Variants in OR1L8 observed in about 807,000 individuals in gnomAD.
OR1L8 encodes the protein olfactory receptor 1L8.
For missense variants in OR1L8, 330 were observed against 377.4 expected (o/e 0.87, Z 1.04); for synonymous variants, 148 against 147.0 (o/e 1.01, Z -0.05).
downstream of OR1L8, among the ~76,000 whole-genome samples, chr9:122,564,083 G>A (rs925562016): frequency 6.6e-6 from 1 of 152,150 alleles, no homozygotes; most frequent in African/African-American, 2.4e-5. Context: ...TGGGAAAAGG[G>A]AAATGATCTG....
the OR1L8 span, among the ~76,000 whole-genome samples, chr9:122,552,039 A>ATTCTCTCTCTCTCTCT: frequency 1.1e-5 from 1 of 89,386 alleles, no homozygotes; most frequent in Non-Finnish European, 2.1e-5. Flanking sequence ...GGACACATAC[A>ATTCTCTCTCTCTCTCT]CACACACACA....
chr9:122,576,010 T>A (rs1829647796), intron 3 of OR1L8, among the ~76,000 whole-genome samples: 1 of 152,178 alleles, frequency 6.6e-6, no homozygotes, highest in African/African-American at 2.4e-5. Context: ...GTCTGGTTTA[T>A]TTCAGTTACC....
the OR1L8 span, chr9:122,554,319 T>G: frequency 8.1e-6 from 5 of 616,100 alleles, no homozygotes; most frequent in African/African-American, 9.2e-5. Flanking sequence ...TTCATTCTTT[T>G]ATTAGGCTGT....
intron 1 of OR1L8, among the ~76,000 whole-genome samples, chr9:122,578,814 G>A (rs1471063717): frequency 3.3e-5 from 5 of 152,080 alleles, no homozygotes; most frequent in Admixed American, 3.3e-4. Flanking sequence ...GAAAGGGTAG[G>A]AGAAGGTGAG....
At chr9:122,562,138 G>A (rs1386765748), downstream of OR1L8, among the ~76,000 whole-genome samples, 2 of 152,246 alleles carry the variant, frequency 1.3e-5, no homozygotes, top group African/African-American at 4.8e-5. Context: ...CAGCCGGTGT[G>A]TTTGGCTGTG....
intron 2 of OR1L8, among the ~76,000 whole-genome samples, chr9:122,577,927 A>T (rs1289285662): frequency 1.3e-5 from 2 of 152,182 alleles, no homozygotes; most frequent in East Asian, 3.8e-4. Context: ...TTAATTATTT[A>T]TATTGTCTAT....
At chr9:122,566,237 A>C (rs992798755), downstream of OR1L8, among the ~76,000 whole-genome samples, 7 of 152,246 alleles carry the variant, frequency 4.6e-5, no homozygotes, top group Admixed American at 2.0e-4. Context: ...GTTTTTCTTC[A>C]ACTGGTAATT....
the OR1L8 span, chr9:122,553,808 G>A: frequency 3.7e-6 from 6 of 1,613,930 alleles, no homozygotes; most frequent in East Asian, 1.3e-4. Flanking sequence ...ATGTAAACGA[G>A]CTGATGATCA....
downstream of OR1L8, among the ~76,000 whole-genome samples, chr9:122,565,901 C>T (rs562590799): frequency 6.6e-6 from 1 of 152,286 alleles, no homozygotes; most frequent in African/African-American, 2.4e-5. Context: ...AATGACTGGA[C>T]TCCTAAACTC....
chr9:122,568,246 C>T lies in OR1L8; in HGVS notation c.232G>A (p.Val78Ile), dbSNP rs748254512. ...AAGTTCATCAGCATCTTGGGGACAA[C>T]GCTTGTTGTAAAGCAAATATCAGTG... ...SLTDICFTTS[V>I]VPKMLMNFLS... is the part of the protein sequence containing the mutation. The change falls in exon 5 of 5, where the codon GTT becomes ATT. Residue 78 changes from valine to isoleucine, a missense_variant. By Grantham distance (29) the Val-to-Ile change is conservative. Transcript: ENST00000641027. The T allele has an allele frequency of 2.5e-5, 40 of 1,613,998 alleles. No homozygotes were observed. In the Middle Eastern group the frequency reaches 4.9e-4, roughly 20 times the overall value.
At chr9:122,548,885 T>C in the OR1L8 span, among the ~76,000 whole-genome samples, 1 of 151,892 alleles carries the variant, frequency 6.6e-6, no homozygotes, top group African/African-American at 2.4e-5. Flanking sequence ...GTCAGATGCA[T>C]AGTTGGCAAA....
intron 3 of OR1L8, among the ~76,000 whole-genome samples, chr9:122,574,374 T>C (rs1204918100): frequency 6.6e-6 from 1 of 152,198 alleles, no homozygotes; most frequent in African/African-American, 2.4e-5. Context: ...TCTTTCATCA[T>C]GGTTTTGTGG....
chr9:122,583,226 A>G (rs1324597843), intron 1 of OR1L8, 95 bp downstream of exon 1: 1 of 151,964 alleles, frequency 6.6e-6, no homozygotes, highest in African/African-American at 2.4e-5. Flanking sequence ...GCAAATCCCA[A>G]CTGAGAGACA....
chr9:122,579,038 TA>T (rs200272592), intron 1 of OR1L8, among the ~76,000 whole-genome samples: 171 of 149,054 alleles, frequency 1.1e-3, no homozygotes, highest in Non-Finnish European at 1.5e-3. Flanking sequence ...CTACTGAAAT[TA>T]AAAAAAAATA....
chr9:122,568,651 C>G lies in OR1L8; in HGVS notation c.-174G>C. ...ATGGTCCTTGATGGGGTCCTCCCTT[C>G]CCAAATCTATGGGCTCCATAAGGGC... On this transcript the variant is annotated 5_prime_UTR_variant, in exon 5 of 5. Coordinates refer to ENST00000641027, the MANE Select transcript of OR1L8 (RefSeq NM_001004454.2). 1 of 533,642 alleles carries G rather than the reference C, an allele frequency of 1.9e-6. No homozygotes were observed. The highest frequency in any genetic ancestry group is 3.3e-6 in the Non-Finnish European group (1 of 305,652). The allele number at this position is 533,642 out of a possible 1,614,324, so 33.1% of individuals were successfully genotyped here.
intron 1 of OR1L8, among the ~76,000 whole-genome samples, chr9:122,579,959 G>A (rs1829717402): frequency 6.6e-6 from 1 of 152,134 alleles, no homozygotes. Flanking sequence ...TTAGGAAGGA[G>A]GAGAATCAGA....
the OR1L8 span, among the ~76,000 whole-genome samples, chr9:122,557,635 C>T: frequency 8.2e-3 from 1,242 of 152,042 alleles, 16 homozygotes; most frequent in African/African-American, 0.029. Context: ...ATTTTTACAT[C>T]CATATTCATG....
chr9:122,568,406 G>C lies in OR1L8; in HGVS notation c.72C>G (p.Asp24Glu), dbSNP rs1829478685. ...GGAAGAGAACAAAGAGTGTCTTTTG[G>C]TCCTCAGGCCGGGAGGAGAGTCCCA... The part of the protein sequence containing the change: ...ILLGLSSRPE[D>E]QKTLFVLFLI... The change falls in exon 5 of 5, where the codon GAC becomes GAG. Residue 24 changes from aspartate (D) to glutamate (E), a missense_variant. By Grantham distance (45) the Asp-to-Glu change is conservative. Transcript: ENST00000641027. The C allele has an allele frequency of 2.5e-6, 4 of 1,613,676 alleles. No homozygotes were observed. The highest frequency in any genetic ancestry group is 3.4e-6 in the Non-Finnish European group (4 of 1,179,668).
downstream of OR1L8, among the ~76,000 whole-genome samples, chr9:122,565,953 A>G (rs577594864): frequency 6.6e-6 from 1 of 152,320 alleles, no homozygotes; most frequent in South Asian, 2.1e-4. Flanking sequence ...CTGCTCTTCC[A>G]AGGCCTAAGC....
Sources: allele counts gnomAD v4.1 joint callset (sites outside exome capture counted in the v4.1 genomes callset), GRCh38; gene constraint gnomAD v4.1.1; transcripts MANE v1.5; gene names NCBI Gene and HGNC (gene_info 2026-07-23, HGNC 2026-07-21).